GSK3B: variants seen among roughly 807,000 people sequenced by gnomAD.
GSK3B encodes the protein glycogen synthase kinase 3 beta.
GSK3B carries 15 observed loss-of-function variants against 56.4 expected under a neutral mutation model. That is an observed-to-expected ratio of 0.27 (90% CI 0.18 to 0.41). The LOEUF (loss-of-function observed/expected upper bound fraction) is 0.41, where lower values mean the gene tolerates loss of function less well. Among genes scored for constraint, GSK3B ranks in the 10% least tolerant of loss-of-function variants. The probability of loss-of-function intolerance (pLI) is 1.00; values close to 1 mark genes in which losing one functional copy is unlikely to be tolerated. For missense variants in GSK3B, 300 were observed against 513.4 expected, an observed-to-expected ratio of 0.58 and a Z score of 4.02; for synonymous variants, 181 against 188.9, an observed-to-expected ratio of 0.96 and a Z score of 0.34.
chr3:120,002,565 C>T (rs186073622), intron 1 of GSK3B, among the ~76,000 whole-genome samples: 60 of 152,284 alleles, frequency 3.9e-4, no homozygotes, highest in African/African-American at 1.3e-3. Flanking sequence ...TCTTGAACTC[C>T]TGACCTCAGG....
At chr3:119,964,792 G>C (rs548317605) in intron 2 of GSK3B, among the ~76,000 whole-genome samples, 8 of 152,236 alleles carry the variant, frequency 5.3e-5, no homozygotes, top group African/African-American at 1.9e-4. Flanking sequence ...CAGTAAGAAA[G>C]GGGCATAATG....
intron 7 of GSK3B, among the ~76,000 whole-genome samples, chr3:119,883,431 C>A (rs927361736): frequency 1.3e-5 from 2 of 150,170 alleles, no homozygotes; most frequent in Non-Finnish European, 3.0e-5. Context: ...ATGAATGGTC[C>A]CCAAAAAAAT....
In GSK3B at chr3:120,018,832, C is replaced by T. The variant is rs553044381; in HGVS notation, c.89-16593G>A. Among the ~76,000 whole-genome samples, 24 of 152,168 alleles carry T rather than the reference C, an allele frequency of 1.6e-4. No individual in the cohort carries two copies. The South Asian group carries it at 4.8e-3, about 30-fold the overall frequency. ...GAGTAAAAAGAGAGCCAGAAATTCC[C>T]GAGGCAAATCACATCAGTGAACAGA... On this transcript the variant is annotated intron_variant, in intron 1 of 10. Transcript: ENST00000264235.
intron 9 of GSK3B, among the ~76,000 whole-genome samples, chr3:119,853,457 G>GA (rs2055968708): frequency 6.6e-6 from 1 of 152,180 alleles, no homozygotes; most frequent in African/African-American, 2.4e-5. Context: ...TTTCTGTGAA[G>GA]AAAGTCATTG....
intron 2 of GSK3B, among the ~76,000 whole-genome samples, chr3:119,955,886 C>T (rs559047589): frequency 1.3e-5 from 2 of 152,166 alleles, no homozygotes; most frequent in East Asian, 1.9e-4. Flanking sequence ...CTCCTGACCT[C>T]TGGTGATCCG....
intron 8 of GSK3B, among the ~76,000 whole-genome samples, chr3:119,872,963 A>G (rs1193566413): frequency 1.3e-5 from 2 of 152,012 alleles, no homozygotes; most frequent in African/African-American, 2.4e-5. Flanking sequence ...TTAATTCTCA[A>G]TCTACTATTG....
intron 9 of GSK3B, among the ~76,000 whole-genome samples, chr3:119,853,097 T>C (rs544493293): frequency 6.8e-4 from 103 of 152,358 alleles, no homozygotes; most frequent in Non-Finnish European, 1.2e-3. Flanking sequence ...AATTAATTTT[T>C]GTATCAGGTG....
At chr3:119,876,579 T>C (rs1490101313) in intron 7 of GSK3B, 71 bp from the exon 8 acceptor site, 24 of 822,508 alleles carry the variant, frequency 2.9e-5, no homozygotes, top group South Asian at 7.2e-5. Flanking sequence ...TTTTCAGGCA[T>C]TGGATTCACT....
chr3:120,032,007 G>A (rs1456388705), intron 1 of GSK3B, among the ~76,000 whole-genome samples: 1 of 152,144 alleles, frequency 6.6e-6, no homozygotes, highest in Non-Finnish European at 1.5e-5. Context: ...CACTACATGA[G>A]CTATTGAACA....
intron 1 of GSK3B, among the ~76,000 whole-genome samples, chr3:120,044,089 G>C (rs1006513487): frequency 6.6e-6 from 1 of 152,218 alleles, no homozygotes; most frequent in African/African-American, 2.4e-5. Context: ...TGGTGCTCCA[G>C]TCAACCGGGC....
intron 8 of GSK3B, among the ~76,000 whole-genome samples, chr3:119,869,018 A>T (rs142039914): frequency 2.0e-5 from 3 of 152,122 alleles, no homozygotes; most frequent in African/African-American, 7.2e-5. Context: ...TTACTTAACA[A>T]ATTAGTCTAT....
intron 3 of GSK3B, among the ~76,000 whole-genome samples, chr3:119,929,141 G>GA (rs1214531231): frequency 6.6e-6 from 1 of 151,810 alleles, no homozygotes; most frequent in Non-Finnish European, 1.5e-5. Context: ...AAGGCTAAAA[G>GA]AAAAAAATGC....
chr3:119,995,608 A>AT (rs1031624792), intron 2 of GSK3B, among the ~76,000 whole-genome samples: 1 of 149,040 alleles, frequency 6.7e-6, no homozygotes, highest in African/African-American at 2.5e-5. Flanking sequence ...TAATTTCTGT[A>AT]TTTTTTAGTA....
chr3:119,949,136 T>C (rs2057130393), intron 2 of GSK3B, among the ~76,000 whole-genome samples: 1 of 152,196 alleles, frequency 6.6e-6, no homozygotes, highest in Admixed American at 6.5e-5. Flanking sequence ...TAAAATAAGT[T>C]ATTTATTTTT....
chr3:119,853,851 T>A (rs1450093608), intron 9 of GSK3B, among the ~76,000 whole-genome samples: 1 of 152,170 alleles, frequency 6.6e-6, no homozygotes, highest in Non-Finnish European at 1.5e-5. Context: ...AAATATACAA[T>A]CATCTCATCT....
chr3:120,012,947 C>T (rs569999007), intron 1 of GSK3B, among the ~76,000 whole-genome samples: 1 of 152,244 alleles, frequency 6.6e-6, no homozygotes, highest in South Asian at 2.1e-4. Flanking sequence ...TCAGCCTCCC[C>T]AAAGTGCTGG....
intron 5 of GSK3B, among the ~76,000 whole-genome samples, chr3:119,913,014 A>G (rs2056750395): frequency 6.6e-6 from 1 of 152,146 alleles, no homozygotes; most frequent in African/African-American, 2.4e-5. Flanking sequence ...AAAAAAGAAT[A>G]GCAATTTTTA....
At chr3:119,982,233 T>G (rs142778240) in intron 2 of GSK3B, among the ~76,000 whole-genome samples, 2 of 152,038 alleles carry the variant, frequency 1.3e-5, no homozygotes, top group South Asian at 4.2e-4. Flanking sequence ...AGAACGAAGG[T>G]AGATAAAACC....
At chr3:120,066,604 T>C (rs1195972647) in intron 1 of GSK3B, among the ~76,000 whole-genome samples, 1 of 152,208 alleles carries the variant, frequency 6.6e-6, no homozygotes, top group Non-Finnish European at 1.5e-5. Flanking sequence ...AGTTCTTCTT[T>C]ATAGAAAAAT....
Sources: gnomAD v4.1 joint callset for allele counts (sites outside exome capture counted in the v4.1 genomes callset) on GRCh38, gnomAD v4.1.1 for gene constraint, MANE v1.5 for transcripts, NCBI Gene and HGNC (gene_info 2026-07-23, HGNC 2026-07-21) for gene names.